The following NUBPL variants were observed in gnomAD, a reference collection of about 807,000 sequenced individuals.
NUBPL encodes iron-sulfur cluster transfer protein NUBPL.
Under a neutral mutation model 45.7 loss-of-function variants are expected in NUBPL, and 31 were observed. The ratio of observed to expected loss-of-function variants is 0.68; its 90% confidence interval spans 0.51 to 0.92. The LOEUF is 0.92. Ranked by LOEUF, NUBPL falls within the 40% of genes least tolerant of loss-of-function variation. NUBPL has a pLI of 0.00. For synonymous variants in NUBPL, 144 were observed against 140.9 expected (o/e 1.02, Z -0.15); for missense variants, 401 against 398.7 (o/e 1.01, Z -0.05).
chr14:31,658,718 G>A (rs966013038), intron 4 of NUBPL, among the ~76,000 whole-genome samples: 6 of 151,976 alleles, frequency 3.9e-5, no homozygotes, highest in African/African-American at 1.4e-4. Flanking sequence ...CACCATGTTG[G>A]CCAGGATGGT....
intron 10 of NUBPL, among the ~76,000 whole-genome samples, chr14:31,857,636 T>C (rs182509092): frequency 2.6e-4 from 40 of 152,272 alleles, no homozygotes; most frequent in African/African-American, 7.2e-4. Context: ...TAAATCATCT[T>C]TCTCAAATTC....
intron 4 of NUBPL, among the ~76,000 whole-genome samples, chr14:31,634,413 T>C (rs532933110): frequency 1.4e-3 from 218 of 152,064 alleles, no homozygotes; most frequent in Middle Eastern, 0.014. Context: ...ACAAAGGACA[T>C]GAACTCATCA....
chr14:31,850,842 C>G (rs936140485), intron 10 of NUBPL, among the ~76,000 whole-genome samples: 1 of 151,820 alleles, frequency 6.6e-6, no homozygotes, highest in Non-Finnish European at 1.5e-5. Flanking sequence ...AGGTTGGTCT[C>G]GAACTCCTGG....
chr14:31,625,263 T>A (rs915204581), intron 4 of NUBPL, among the ~76,000 whole-genome samples: 1 of 152,182 alleles, frequency 6.6e-6, no homozygotes, highest in Non-Finnish European at 1.5e-5. Context: ...AATTACATTT[T>A]AGATTTGACA....
At chr14:31,709,946 G>T (rs373573263) in intron 6 of NUBPL, among the ~76,000 whole-genome samples, 3 of 152,280 alleles carry the variant, frequency 2.0e-5, no homozygotes, top group African/African-American at 7.2e-5. Context: ...TAAATGGCAA[G>T]CTTTGCATAG....
chr14:31,833,604 T>A (rs1275138130), intron 8 of NUBPL, among the ~76,000 whole-genome samples: 1 of 152,222 alleles, frequency 6.6e-6, no homozygotes, highest in Admixed American at 6.5e-5. Flanking sequence ...GGCAGTTTCT[T>A]TCTTGCTCAT....
At chr14:31,773,157 TG>T (rs2039039839) in intron 6 of NUBPL, among the ~76,000 whole-genome samples, 1 of 152,156 alleles carries the variant, frequency 6.6e-6, no homozygotes, top group Admixed American at 6.6e-5. Context: ...TAATTTCTCC[TG>T]TGTAACAATT....
intron 7 of NUBPL, among the ~76,000 whole-genome samples, chr14:31,798,281 T>G (rs2039504342): frequency 1.3e-5 from 2 of 149,802 alleles, no homozygotes; most frequent in Non-Finnish European, 3.0e-5. Context: ...AAAACTACTT[T>G]CATTTTAGGT....
intron 8 of NUBPL, among the ~76,000 whole-genome samples, chr14:31,840,040 A>G (rs942483217): frequency 1.3e-5 from 2 of 152,230 alleles, no homozygotes; most frequent in Non-Finnish European, 2.9e-5. Flanking sequence ...GGAAAATAGT[A>G]TGGAGGTTCC....
Position 31,636,920 on chromosome 14 carries a change from T to C in NUBPL, c.383-36435T>C, listed in dbSNP as rs192019095. On this transcript the variant is annotated intron_variant, in intron 4 of 10. Coordinates refer to ENST00000281081, the MANE Select transcript of NUBPL (RefSeq NM_025152.3). ...TCTCTGATGGTAGTTTGTATTTCTG[T>C]GGGATCAGTGGTGATATCCCATTTA... Among the ~76,000 whole-genome samples, 4 of 152,342 alleles carry C rather than the reference T, an allele frequency of 2.6e-5. No homozygotes were observed. The East Asian group carries it at 7.7e-4, about 29-fold the overall frequency.
chr14:31,660,488 C>T (rs1345804726), intron 4 of NUBPL, among the ~76,000 whole-genome samples: 2 of 152,144 alleles, frequency 1.3e-5, no homozygotes, highest in African/African-American at 2.4e-5. Context: ...ATGCCCTTTC[C>T]TTTCTGAACA....
At chr14:31,594,251 C>T (rs559395784) in intron 3 of NUBPL, among the ~76,000 whole-genome samples, 32 of 152,048 alleles carry the variant, frequency 2.1e-4, no homozygotes, top group African/African-American at 7.5e-4. Context: ...AACCCTGTCC[C>T]TACAAAAAAC....
At chr14:31,850,898 T>C (rs1235835841) in intron 10 of NUBPL, among the ~76,000 whole-genome samples, 1 of 152,004 alleles carries the variant, frequency 6.6e-6, no homozygotes, top group Admixed American at 6.6e-5. Context: ...GCTGAGATTA[T>C]AGGCATGAGC....
At chr14:31,856,958 C>T (rs2040631916) in intron 10 of NUBPL, among the ~76,000 whole-genome samples, 1 of 152,194 alleles carries the variant, frequency 6.6e-6, no homozygotes, top group African/African-American at 2.4e-5. Flanking sequence ...ACTGTCTTCT[C>T]ACAACTCCAC....
intron 6 of NUBPL, among the ~76,000 whole-genome samples, chr14:31,701,243 G>GT (rs1436092679): frequency 6.6e-6 from 1 of 151,698 alleles, no homozygotes; most frequent in Admixed American, 6.6e-5. Flanking sequence ...TCAGTGCTCT[G>GT]TATCTAGCTC....
chr14:31,755,921 A>G (rs1024994693), intron 6 of NUBPL, among the ~76,000 whole-genome samples: 12 of 151,646 alleles, frequency 7.9e-5, no homozygotes, highest in African/African-American at 2.7e-4. Context: ...ACATATGGCT[A>G]GCCAGTTTTC....
chr14:31,592,948 G>A (rs2034181126), intron 3 of NUBPL, among the ~76,000 whole-genome samples: 1 of 152,132 alleles, frequency 6.6e-6, no homozygotes, highest in Admixed American at 6.5e-5. Flanking sequence ...TTCTAGTAGA[G>A]GAGATAGTAA....
chr14:31,812,906 C>T (rs1001746721), intron 7 of NUBPL, among the ~76,000 whole-genome samples: 6 of 151,910 alleles, frequency 3.9e-5, no homozygotes, highest in African/African-American at 9.7e-5. Context: ...CCATCCTAAG[C>T]GCTTTAAAAT....
intron 6 of NUBPL, among the ~76,000 whole-genome samples, chr14:31,745,520 T>C (rs2038379614): frequency 6.6e-6 from 1 of 152,184 alleles, no homozygotes; most frequent in South Asian, 2.1e-4. Flanking sequence ...GGTCTTGATC[T>C]CCTGACCTCG....
Sources: allele counts gnomAD v4.1 joint callset (sites outside exome capture counted in the v4.1 genomes callset), GRCh38; gene constraint gnomAD v4.1.1; transcripts MANE v1.5; gene names NCBI Gene and HGNC (gene_info 2026-07-23, HGNC 2026-07-21).